WDR74: variants seen among roughly 807,000 people sequenced by gnomAD.
WDR74 encodes WD repeat-containing protein 74.
In WDR74, 31 loss-of-function variants were observed where a neutral mutation model predicts 45.6. The observed-to-expected ratio is 0.68, with a 90% CI of 0.51 to 0.92. WDR74 has a LOEUF of 0.92. WDR74 is among the 40% of genes least tolerant of loss of function. The pLI, the probability that WDR74 is intolerant of heterozygous loss-of-function variation, is 0.00. For synonymous variants in WDR74, 191 were observed against 192.4 expected (o/e 0.99, Z 0.06); for missense variants, 455 against 497.2 (o/e 0.92, Z 0.81).
intron 1 of WDR74, 32 bp from the exon 2 acceptor site, chr11:62,839,460 G>GC: frequency 6.2e-7 from 1 of 1,613,516 alleles, no homozygotes; most frequent in Non-Finnish European, 8.5e-7. Context: ...CACGCCAGGG[G>GC]CGCGAGTGCA....
In WDR74 at chr11:62,832,962, G is replaced by C. The variant is rs1189904584; in HGVS notation, c.1148C>G (p.Thr383Ser). 6.2e-7 allele frequency: 1 copy of C among 1,603,816 alleles called. No individual in the cohort carries two copies. The highest frequency in any genetic ancestry group is 1.3e-5 in the African/African-American group (1 of 74,146). The part of the protein sequence containing the change: ...RRRKKKRPGS[T>S]SP ...GTGGGCACAGGGGCGTCAGGGGCTG[G>C]TGGACCCAGGCCGCTTCTTCTTTCT... Residue 383 changes from threonine to serine, a missense_variant, in exon 11 of 11, where the codon ACC (threonine) becomes AGC (serine). Physicochemically the swap from Thr to Ser is moderately conservative, Grantham distance 58. Transcript: ENST00000278856.
rs1329565830 is a variant in WDR74, at chr11:62,839,419, A to C, written c.74T>G (p.Leu25Arg). The C allele has an allele frequency of 6.2e-7, 1 of 1,613,378 alleles. No homozygotes were observed. Among genetic ancestry groups the C allele is most frequent in the Non-Finnish European group, 8.5e-7 (1 of 1,179,840 alleles). Residue 25 changes from leucine (L) to arginine (R), a missense_variant, in exon 2 of 11, where the codon CTT becomes CGT. Leu to Arg is a moderately radical substitution (Grantham distance 102). Coordinates refer to ENST00000278856, the MANE Select transcript of WDR74 (RefSeq NM_001369450.1). The part of the protein sequence containing the change: ...TETGILKGVN[L>R]QRKQAANFTA... Reference sequence around the variant, plus strand: ...GAAGTTCGCCGCCTGTTTTCGCTGAAGATTTACCCCTGAGAGACGAAGGCG... The same window carrying C: ...GAAGTTCGCCGCCTGTTTTCGCTGACGATTTACCCCTGAGAGACGAAGGCG...
chr11:62,841,400 C>G (rs11231245), upstream of WDR74, among the ~76,000 whole-genome samples: 1 of 151,456 alleles, frequency 6.6e-6, no homozygotes, highest in Admixed American at 6.6e-5. Flanking sequence ...ACCCCAGAGG[C>G]TGAAGTATGA....
At chr11:62,835,923 G>C in intron 4 of WDR74, 38 bp downstream of exon 4, 2 of 1,583,980 alleles carry the variant, frequency 1.3e-6, no homozygotes, top group South Asian at 2.3e-5. Flanking sequence ...ACCTACCCCA[G>C]CCCACCTCCC....
At position 62,834,021 on chromosome 11, in the gene WDR74, T is replaced by A. The variant is rs2084921036; in HGVS notation, c.776-84A>T. On this transcript the variant is annotated intron_variant, in intron 8 of 10. Coordinates refer to ENST00000278856, the MANE Select transcript of WDR74 (RefSeq NM_001369450.1). ...TTTCCTGTTCCAATCACTTTCCATTTCAACATTTAATCTGCAACAAAACCC... is the reference window on the plus strand; with the variant it reads ...TTTCCTGTTCCAATCACTTTCCATTACAACATTTAATCTGCAACAAAACCC... 5.8e-6 allele frequency: 9 copies of A among 1,554,776 alleles called. No homozygotes were observed. In the Middle Eastern group the frequency reaches 6.8e-4, roughly 118 times the overall value.
chr11:62,833,959 C>T (rs1206956217), intron 8 of WDR74, 22 bp from the exon 9 acceptor site: 14 of 1,609,278 alleles, frequency 8.7e-6, no homozygotes, highest in East Asian at 2.2e-5. Flanking sequence ...GGGAAGCATC[C>T]GTGATAACTG....
At chr11:62,841,693 ATCTCCTATTTCC>A (rs1368985997), upstream of WDR74, 2 of 152,170 alleles carry the variant, frequency 1.3e-5, no homozygotes, top group Non-Finnish European at 2.9e-5. Context: ...CTCCTATTCC[ATCTCCTATTTCC>A]AAAAATCCAT....
At chr11:62,834,564 C>T (rs114398263) in intron 6 of WDR74, 37 bp from the exon 7 acceptor site, 8 of 1,566,578 alleles carry the variant, frequency 5.1e-6, no homozygotes, top group Non-Finnish European at 6.9e-6. Flanking sequence ...AGTATCCTCA[C>T]CCTGCACCTA....
upstream of WDR74, among the ~76,000 whole-genome samples, chr11:62,841,225 G>A (rs1252280727): frequency 6.6e-6 from 1 of 152,190 alleles, no homozygotes; most frequent in Non-Finnish European, 1.5e-5. Flanking sequence ...GCTGATGCAG[G>A]AGAATCGCAT....
upstream of WDR74, chr11:62,841,790 C>T (rs933809549): frequency 8.5e-5 from 13 of 152,326 alleles, no homozygotes; most frequent in East Asian, 1.9e-4. Flanking sequence ...TTGATCTTAG[C>T]CAAAAGGCCG....
At chr11:62,834,128 T>A in intron 8 of WDR74, 148 bp downstream of exon 8, 1 of 1,446,222 alleles carries the variant, frequency 6.9e-7, no homozygotes, top group East Asian at 2.3e-5. Flanking sequence ...TAGTTTAAGG[T>A]CATACAGCTT....
chr11:62,841,485 C>T (rs964839604), upstream of WDR74: 2 of 152,200 alleles, frequency 1.3e-5, no homozygotes, highest in Non-Finnish European at 2.9e-5. Flanking sequence ...CAACAAGACA[C>T]TCAAACACGC....
Position 62,834,522 on chromosome 11 carries a change from A to G in WDR74, c.624T>C (p.Arg208=). 1.9e-6 allele frequency: 3 copies of G among 1,607,330 alleles called. No individual in the cohort carries two copies. The highest frequency in any genetic ancestry group is 2.5e-6 in the Non-Finnish European group (3 of 1,179,316). The change falls in exon 7 of 11, where the codon CGT becomes CGC. Residue 208 remains arginine, a synonymous_variant. Coordinates refer to ENST00000278856, the MANE Select transcript of WDR74 (RefSeq NM_001369450.1). ...LVTCTGYHQV[R]VYDPASPQRR... is the part of the protein sequence containing the mutation. The stretch of plus-strand genomic sequence containing the variant: ...GCTGGGGGGATGCTGGATCATAAAC[A>G]CGGACCTAGAGGAAGGCTGAAGCAT...
chr11:62,835,721 C>T lies in WDR74; in HGVS notation c.490G>A (p.Glu164Lys). Residue 164 changes from glutamate (E) to lysine (K), a missense_variant, in exon 5 of 11, where the codon GAG (glutamate) becomes AAG (lysine). Coordinates refer to ENST00000278856, the MANE Select transcript of WDR74 (RefSeq NM_001369450.1). ...ALKIWDLQGSEEPVFRAKNVR... is the reference protein window; with the variant it reads ...ALKIWDLQGSKEPVFRAKNVR... ...TTCTTGGCCCTGAACACAGGTTCCT[C>T]AGAGCCCTGCAGGTCCCATATCTTC... 1 of 1,613,978 alleles carries T rather than the reference C, an allele frequency of 6.2e-7. No individual in the cohort carries two copies. The highest frequency in any genetic ancestry group is 8.5e-7 in the Non-Finnish European group (1 of 1,179,884).
rs752687073 is a variant in WDR74 at position 62,835,399 on chromosome 11, CAGG to C, written c.618+29_618+31del. 5 of 1,601,444 alleles carry C rather than the reference CAGG, an allele frequency of 3.1e-6. No individual in the cohort carries two copies. In the African/African-American group the frequency reaches 5.3e-5, roughly 17 times the overall value. On this transcript the variant is annotated intron_variant, in intron 6 of 10. Coordinates refer to ENST00000278856, the MANE Select transcript of WDR74 (RefSeq NM_001369450.1). The stretch of plus-strand genomic sequence containing the variant: ...ATTTCTCCAGGAGGCTGCTTTATCC[CAGG>C]AGAAGGCAGGTGTGAGGTGACACCT...
At chr11:62,837,838 A>G (rs1342825329) in intron 3 of WDR74, among the ~76,000 whole-genome samples, 2 of 152,204 alleles carry the variant, frequency 1.3e-5, no homozygotes, top group East Asian at 3.8e-4. Flanking sequence ...CACCTTCCTA[A>G]TCTTTGCTTT....
chr11:62,841,400 C>A (rs11231245), upstream of WDR74, among the ~76,000 whole-genome samples: 3 of 151,576 alleles, frequency 2.0e-5, no homozygotes, highest in East Asian at 2.0e-4. Context: ...ACCCCAGAGG[C>A]TGAAGTATGA....
chr11:62,840,777 A>G (rs1006448659), upstream of WDR74, among the ~76,000 whole-genome samples: 11 of 152,260 alleles, frequency 7.2e-5, no homozygotes, highest in African/African-American at 2.4e-4. Flanking sequence ...TGAAGACGGG[A>G]TTTTTCACAC....
At position 62,833,037 on chromosome 11, in the gene WDR74, C is replaced by T. The variant is rs2084894580; in HGVS notation, c.1073G>A (p.Arg358Gln). 4 of 1,610,626 alleles carry T rather than the reference C, an allele frequency of 2.5e-6. No individual in the cohort carries two copies. In the East Asian group the frequency reaches 6.7e-5, roughly 27 times the overall value. ...GGGCTGCTCCAAACCCGAGAGCTTC[C>T]GCTTGGCAGCTGCCTCCAAGGATGC... ...LWASLEAAAKRKLSGLEQPQG... is the reference protein window; with the variant it reads ...LWASLEAAAKQKLSGLEQPQG... Residue 358 changes from arginine to glutamine, a missense_variant, in exon 11 of 11, where the codon CGG (arginine) becomes CAG (glutamine). Coordinates refer to ENST00000278856, the MANE Select transcript of WDR74 (RefSeq NM_001369450.1).
Sources: allele counts gnomAD v4.1 joint callset (sites outside exome capture counted in the v4.1 genomes callset), GRCh38; gene constraint gnomAD v4.1.1; transcripts MANE v1.5; gene names NCBI Gene and HGNC (gene_info 2026-07-23, HGNC 2026-07-21).